CACNA1E: variants seen among roughly 807,000 people sequenced by gnomAD.
CACNA1E encodes the protein voltage-dependent R-type calcium channel subunit alpha-1E.
A neutral mutation model predicts 259.2 loss-of-function variants in CACNA1E; 40 were observed. That is an observed-to-expected ratio of 0.15 (90% CI 0.12 to 0.20). The LOEUF (loss-of-function observed/expected upper bound fraction) is 0.20. Ranked by LOEUF, CACNA1E falls within the 10% of genes least tolerant of loss-of-function variation. The probability of loss-of-function intolerance (pLI) is 1.00; values close to 1 mark genes in which losing one functional copy is unlikely to be tolerated. For missense variants in CACNA1E, 1,874 were observed against 3,040.1 expected (o/e 0.62, Z 9.02); for synonymous variants, 1,104 against 1,138.5 (o/e 0.97, Z 0.61).
chr1:181,737,065 A>G (rs3845445), intron 22 of CACNA1E, among the ~76,000 whole-genome samples: 25,355 of 152,194 alleles, frequency 0.17, 2,216 homozygotes, highest in South Asian at 0.25. Flanking sequence ...GAATACAGTT[A>G]CTTTAACCAG....
At chr1:181,548,829 C>G (rs1476429242) in intron 3 of CACNA1E, among the ~76,000 whole-genome samples, 2 of 152,158 alleles carry the variant, frequency 1.3e-5, no homozygotes, top group Non-Finnish European at 2.9e-5. Flanking sequence ...TCGTCTTATC[C>G]ATCATGTTTA....
Position 181,807,471 on chromosome 1 carries a change from T to G in CACNA1E, c.*8637T>G, listed in dbSNP as rs1662711064. 1 of 151,986 alleles carries G rather than the reference T, an allele frequency of 6.6e-6. No individual in the cohort carries two copies. The highest frequency in any genetic ancestry group is 2.4e-5 in the African/African-American group (1 of 41,374). 9.4% of individuals were successfully genotyped at this position (151,986 alleles called of 1,614,324 possible). On this transcript the variant is annotated 3_prime_UTR_variant, in exon 48 of 48. Transcript: ENST00000367573. ...CACATCACTCCCCATTTAACTGCAA[T>G]TGCTCCCTTGCCACAGGGAAAGCAG...
chr1:181,602,963 G>C (rs1342094497), intron 6 of CACNA1E, among the ~76,000 whole-genome samples: 1 of 152,146 alleles, frequency 6.6e-6, no homozygotes, highest in Non-Finnish European at 1.5e-5. Context: ...GAATTGCCAA[G>C]GGTGTCCTCA....
chr1:181,538,364 A>G (rs572507358), intron 3 of CACNA1E, among the ~76,000 whole-genome samples: 1 of 152,354 alleles, frequency 6.6e-6, no homozygotes, highest in Non-Finnish European at 1.5e-5. Context: ...ATGCATTTTT[A>G]TACATGCTGC....
In CACNA1E at chr1:181,389,255, A is replaced by T. The variant is rs1450143735; in HGVS notation, c.-14-23878A>T. ...CTATGTTTGGGGCCATTTTAGCAGC[A>T]CCATCATCAACAGAAGGTGCAAAAA... On this transcript the variant is annotated intron_variant, in intron 1 of 11. Transcript: ENST00000524607. Among the ~76,000 whole-genome samples, 3 of 152,326 alleles carry T rather than the reference A, an allele frequency of 2.0e-5. No homozygotes were observed. In the South Asian group the frequency reaches 6.2e-4, roughly 32 times the overall value.
chr1:181,541,428 TTAGA>T (rs1341044179), intron 3 of CACNA1E, among the ~76,000 whole-genome samples: 1 of 151,888 alleles, frequency 6.6e-6, no homozygotes, highest in Non-Finnish European at 1.5e-5. Context: ...AATCTCCCCA[TTAGA>T]TAGGTAGACA....
rs1013713040 is a variant in CACNA1E at position 181,548,165 on chromosome 1, C to T, written c.513-29601C>T. On this transcript the variant is annotated intron_variant, in intron 3 of 47. Transcript: ENST00000367573. ...TTTGAGTCAGGGTCTCATTCTGTCA[C>T]CCAGGCTGGAGTGCAGTGGTGCGAT... 3.8e-4 allele frequency among the ~76,000 whole-genome samples: 55 copies of T among 146,454 alleles called. 1 individual carries two copies. The highest frequency in any genetic ancestry group is 6.0e-5 in the Non-Finnish European group (4 of 67,220).
chr1:181,369,618 G>T lies in CACNA1E; in HGVS notation c.-14-43515G>T, dbSNP rs547400302. Reference sequence around the variant, plus strand: ...AGCATGACACACCAAAGAACCAAGGGGCTCCAGCTGCTCAGGGCCAGGCCA... The same window carrying T: ...AGCATGACACACCAAAGAACCAAGGTGCTCCAGCTGCTCAGGGCCAGGCCA... On this transcript the variant is annotated intron_variant, in intron 1 of 11. Transcript: ENST00000524607. Among the ~76,000 whole-genome samples, 171 of 152,198 alleles carry T rather than the reference G, an allele frequency of 1.1e-3. 3 individuals carry two copies. Among genetic ancestry groups the T allele is most frequent in the Non-Finnish European group, 1.1e-3 (73 of 68,008 alleles).
At chr1:181,338,421 A>G (rs1482823051) in intron 1 of CACNA1E, among the ~76,000 whole-genome samples, 2 of 151,540 alleles carry the variant, frequency 1.3e-5, no homozygotes, top group Admixed American at 1.3e-4. Context: ...CCTGATGATT[A>G]GTGATGTCGA....
At chr1:181,594,493 G>A (rs1190188949) in intron 6 of CACNA1E, among the ~76,000 whole-genome samples, 3 of 152,226 alleles carry the variant, frequency 2.0e-5, no homozygotes, top group African/African-American at 7.2e-5. Context: ...CCACCTCCCA[G>A]GTTCAAGTGA....
At chr1:181,327,028 A>G (rs2609487) in intron 1 of CACNA1E, among the ~76,000 whole-genome samples, 83,494 of 152,050 alleles carry the variant, frequency 0.55, 24,203 homozygotes, top group African/African-American at 0.72. Flanking sequence ...TTGGCATCCC[A>G]TGCTTACCTC....
intron 1 of CACNA1E, among the ~76,000 whole-genome samples, chr1:181,375,977 A>G (rs1014159352): frequency 2.0e-5 from 3 of 152,346 alleles, no homozygotes; most frequent in Non-Finnish European, 4.4e-5. Context: ...TTTATAACAT[A>G]TAAATAAAAG....
At chr1:181,544,523 A>G (rs1371154109) in intron 3 of CACNA1E, among the ~76,000 whole-genome samples, 2 of 152,266 alleles carry the variant, frequency 1.3e-5, no homozygotes, top group Non-Finnish European at 2.9e-5. Flanking sequence ...CAACAAAAGT[A>G]CAAATATCCA....
chr1:181,453,815 C>T (rs1203052129), intron 2 of CACNA1E, among the ~76,000 whole-genome samples: 1 of 152,150 alleles, frequency 6.6e-6, no homozygotes, highest in South Asian at 2.1e-4. Context: ...GACAAACTCA[C>T]GTATTTCAGT....
chr1:181,372,891 T>A lies in CACNA1E; in HGVS notation c.-14-40242T>A, dbSNP rs187402773. On this transcript the variant is annotated intron_variant, in intron 1 of 11. Transcript: ENST00000524607. ...AAAGCCATCTCTGTGTCTATTGAGA[T>A]GATCATGTGGGTTTTGTTTTTAGTT... Among the ~76,000 whole-genome samples, 144 of 151,904 alleles carry A rather than the reference T, an allele frequency of 9.5e-4. 3 individuals are homozygous for A. Among genetic ancestry groups the A allele is most frequent in the East Asian group, 3.9e-3 (20 of 5,174 alleles).
intron 2 of CACNA1E, among the ~76,000 whole-genome samples, chr1:181,450,187 C>A (rs928946620): frequency 1.3e-5 from 2 of 152,176 alleles, no homozygotes; most frequent in Non-Finnish European, 2.9e-5. Flanking sequence ...TTCACTATCA[C>A]AAGAATAGCA....
At chr1:181,670,944 G>A (rs1648728625) in intron 7 of CACNA1E, among the ~76,000 whole-genome samples, 1 of 152,210 alleles carries the variant, frequency 6.6e-6, no homozygotes, top group African/African-American at 2.4e-5. Context: ...GGAAGGTACA[G>A]ACTAATTTTT....
Position 181,717,086 on chromosome 1 carries a change from C to T in CACNA1E, c.1316-7C>T. The T allele has an allele frequency of 6.2e-7, 1 of 1,613,018 alleles. No homozygotes were observed. Among genetic ancestry groups the T allele is most frequent in the Non-Finnish European group, 8.5e-7 (1 of 1,178,948 alleles). ...CAGTCTCATTCTTCCTTACTTCTCC[C>T]TCTTAGGCACACCTCTGGCCCGAGC... On this transcript the variant is annotated splice_polypyrimidine_tract_variant and splice_region_variant and intron_variant, in intron 10 of 47. Transcript: ENST00000367573.
intron 1 of CACNA1E, among the ~76,000 whole-genome samples, chr1:181,402,318 G>A (rs868347406): frequency 2.3e-4 from 35 of 152,210 alleles, no homozygotes; most frequent in Non-Finnish European, 8.8e-5. Flanking sequence ...GCAGCTGGGG[G>A]ACAGAGGTAT....
Sources: gnomAD v4.1 joint callset for allele counts (sites outside exome capture counted in the v4.1 genomes callset) on GRCh38, gnomAD v4.1.1 for gene constraint, MANE v1.5 for transcripts, NCBI Gene and HGNC (gene_info 2026-07-23, HGNC 2026-07-21) for gene names.